SNRNP40: variants seen among roughly 807,000 people sequenced by gnomAD.
SNRNP40 encodes small nuclear ribonucleoprotein U5 subunit 40.
A neutral mutation model predicts 45.8 loss-of-function variants in SNRNP40; 21 were observed. The ratio of observed to expected loss-of-function variants is 0.46; its 90% CI spans 0.32 to 0.66. The LOEUF (loss-of-function observed/expected upper bound fraction) is 0.66, where lower values mean the gene tolerates loss of function less well. Among genes scored for constraint, SNRNP40 ranks in the 30% least tolerant of loss-of-function variants. The pLI is 0.03. For synonymous variants in SNRNP40, 142 were observed against 163.8 expected (o/e 0.87, Z 1.01); for missense variants, 344 against 439.1 (o/e 0.78, Z 1.94).
intron 8 of SNRNP40, chr1:31,263,455 G>A (rs1016291462): frequency 4.1e-5 from 9 of 219,670 alleles, no homozygotes; most frequent in Non-Finnish European, 5.5e-5. Context: ...CTGGGATGAC[G>A]GGCATGAGCC....
At chr1:31,269,881 T>C (rs747028614) in intron 6 of SNRNP40, among the ~76,000 whole-genome samples, 3 of 152,304 alleles carry the variant, frequency 2.0e-5, no homozygotes, top group Non-Finnish European at 4.4e-5. Flanking sequence ...GAAAATTATC[T>C]GTCTTCTTTT....
chr1:31,263,401 A>G (rs11579845), intron 8 of SNRNP40: 86,908 of 156,864 alleles, frequency 0.55, 24,868 homozygotes, highest in Non-Finnish European at 0.63. Context: ...CTGGTCTTGA[A>G]CTCCTCGCGT....
At chr1:31,270,735 G>A (rs192422573) in intron 6 of SNRNP40, among the ~76,000 whole-genome samples, 1 of 152,182 alleles carries the variant, frequency 6.6e-6, no homozygotes, top group Non-Finnish European at 1.5e-5. Flanking sequence ...AAAATGTCAG[G>A]GAATACATTT....
At chr1:31,269,109 T>C in intron 7 of SNRNP40, 49 bp downstream of exon 7, 2 of 1,499,550 alleles carry the variant, frequency 1.3e-6, no homozygotes, top group Non-Finnish European at 1.8e-6. Context: ...CCTTAAATGT[T>C]TCTCTGAAGT....
intron 1 of SNRNP40, among the ~76,000 whole-genome samples, chr1:31,294,170 C>A (rs1646125450): frequency 1.3e-5 from 2 of 152,062 alleles, no homozygotes; most frequent in Admixed American, 1.3e-4. Flanking sequence ...GTTGGCCAGG[C>A]TGGTCTCAAA....
chr1:31,266,167 A>C (rs937126065), intron 8 of SNRNP40, among the ~76,000 whole-genome samples: 1 of 152,214 alleles, frequency 6.6e-6, no homozygotes, highest in Non-Finnish European at 1.5e-5. Context: ...AAATATGTTC[A>C]GAATTATTCA....
Position 31,289,240 on chromosome 1 carries a change from G to A in SNRNP40, c.531+14C>T, listed in dbSNP as rs750594514. 3 of 1,612,326 alleles carry A rather than the reference G, an allele frequency of 1.9e-6. No homozygotes were observed. The highest frequency in any genetic ancestry group is 1.7e-6 in the Non-Finnish European group (2 of 1,178,854). On this transcript the variant is annotated intron_variant, in intron 4 of 9. Transcript: ENST00000263694. ...ATCACCTCAGAAACTGGAACACGGA[G>A]AGACAATACCCACCTTAACTGTGCC...
chr1:31,296,482 G>T, intron 1 of SNRNP40, 129 bp downstream of exon 1: 2 of 1,266,842 alleles, frequency 1.6e-6, no homozygotes, highest in Non-Finnish European at 2.2e-6. Flanking sequence ...GTGTTTATGT[G>T]CTTTAACTCT....
intron 4 of SNRNP40, chr1:31,282,506 T>C (rs1435454819): frequency 6.6e-6 from 1 of 150,878 alleles, no homozygotes; most frequent in African/African-American, 2.4e-5. Flanking sequence ...TATCTATCTA[T>C]CTATCTATCT....
intron 4 of SNRNP40, among the ~76,000 whole-genome samples, chr1:31,286,165 TAC>T (rs36080060): frequency 8.0e-5 from 12 of 150,410 alleles, no homozygotes; most frequent in South Asian, 2.1e-4. Context: ...TACATTTAGG[TAC>T]ACACACACAC....
rs1016977100 is a variant in SNRNP40 at position 31,283,528 on chromosome 1, G to A, written c.532-2032C>T. ...TGAGGTGCAAGAATCACTTGAACCC[G>A]GGGAGTGGAGGTTGCAGTGAGCCAA... is the stretch of plus-strand genomic sequence containing the variant. On this transcript the variant is annotated intron_variant, in intron 4 of 9. Coordinates refer to ENST00000263694, the MANE Select transcript of SNRNP40 (RefSeq NM_004814.3). Among the ~76,000 whole-genome samples, 96 of 152,220 alleles carry A rather than the reference G, an allele frequency of 6.3e-4. 1 individual carries two copies. The highest frequency in any genetic ancestry group is 1.5e-4 in the Non-Finnish European group (10 of 67,998).
chr1:31,296,397 A>AG (rs1646158306), intron 1 of SNRNP40, among the ~76,000 whole-genome samples: 1 of 152,236 alleles, frequency 6.6e-6, no homozygotes, highest in South Asian at 2.1e-4. Context: ...ATCTCAGGGC[A>AG]GTCGAGAGGC....
At chr1:31,279,440 A>C (rs1384771652) in intron 5 of SNRNP40, among the ~76,000 whole-genome samples, 1 of 152,220 alleles carries the variant, frequency 6.6e-6, no homozygotes, top group African/African-American at 2.4e-5. Context: ...TATCACCACC[A>C]CCATCATCAT....
At chr1:31,273,572 G>A (rs993592556) in intron 5 of SNRNP40, among the ~76,000 whole-genome samples, 43 of 150,838 alleles carry the variant, frequency 2.9e-4, no homozygotes, top group African/African-American at 9.5e-4. Flanking sequence ...CCCGGGAGGC[G>A]GAGGCTGCAG....
chr1:31,274,195 T>C (rs181637411), intron 5 of SNRNP40, among the ~76,000 whole-genome samples: 25 of 151,952 alleles, frequency 1.6e-4, no homozygotes, highest in Admixed American at 1.2e-3. Flanking sequence ...AATAGAAAAA[T>C]GAGACATTCA....
intron 8 of SNRNP40, among the ~76,000 whole-genome samples, chr1:31,262,559 A>G (rs1477600256): frequency 2.0e-5 from 3 of 149,838 alleles, no homozygotes; most frequent in East Asian, 3.9e-4. Flanking sequence ...AGAAAAAAGA[A>G]ATCAGCTTCT....
intron 6 of SNRNP40, among the ~76,000 whole-genome samples, chr1:31,269,941 T>G (rs1645925391): frequency 6.6e-6 from 1 of 152,178 alleles, no homozygotes; most frequent in African/African-American, 2.4e-5. Context: ...TCGCTCTTGT[T>G]GCCTAGCCTG....
At chr1:31,265,922 T>C (rs1362919057) in intron 8 of SNRNP40, among the ~76,000 whole-genome samples, 3 of 152,240 alleles carry the variant, frequency 2.0e-5, no homozygotes, top group East Asian at 1.9e-4. Context: ...GTTCTTACTA[T>C]ATCAGAATAT....
chr1:31,280,384 G>GGTCTCC (rs1487924113), intron 5 of SNRNP40, among the ~76,000 whole-genome samples: 4 of 151,702 alleles, frequency 2.6e-5, no homozygotes, highest in African/African-American at 9.7e-5. Flanking sequence ...GGACGGTCTC[G>GGTCTCC]GTCTCCTGAC....
Sources: allele counts gnomAD v4.1 joint callset (sites outside exome capture counted in the v4.1 genomes callset), GRCh38; gene constraint gnomAD v4.1.1; transcripts MANE v1.5; gene names NCBI Gene and HGNC (gene_info 2026-07-23, HGNC 2026-07-21).